The following FCHSD2 variants were observed in gnomAD, a reference collection of about 807,000 sequenced individuals.
The protein encoded by FCHSD2 is FCH and double SH3 domains 2, also known as F-BAR and double SH3 domains protein 2.
In FCHSD2, 38 loss-of-function variants were observed where a neutral mutation model predicts 108.1. The ratio of observed to expected loss-of-function variants is 0.35; its 90% CI spans 0.27 to 0.46. The LOEUF (loss-of-function observed/expected upper bound fraction) is 0.46, where lower values mean the gene tolerates loss of function less well. Ranked by LOEUF, FCHSD2 falls within the 20% of genes least tolerant of loss-of-function variation. The pLI is 1.00. For missense variants in FCHSD2, 751 were observed against 897.8 expected, an observed-to-expected ratio of 0.84 and a Z score of 2.09; for synonymous variants, 279 against 314.7, an observed-to-expected ratio of 0.89 and a Z score of 1.20.
chr11:72,939,614 T>C (rs944585056), intron 8 of FCHSD2, among the ~76,000 whole-genome samples: 1 of 131,924 alleles, frequency 7.6e-6, no homozygotes, highest in Non-Finnish European at 1.6e-5. Context: ...TTTTCCTTTT[T>C]TTTTTTTTTT....
At chr11:72,985,980 C>T (rs1857303167) in intron 6 of FCHSD2, among the ~76,000 whole-genome samples, 1 of 152,008 alleles carries the variant, frequency 6.6e-6, no homozygotes, top group Non-Finnish European at 1.5e-5. Flanking sequence ...GCAGCTGTGC[C>T]TCATGAAGTA....
At chr11:73,041,216 A>G (rs1386197866) in intron 3 of FCHSD2, among the ~76,000 whole-genome samples, 2 of 152,186 alleles carry the variant, frequency 1.3e-5, no homozygotes, top group Non-Finnish European at 2.9e-5. Flanking sequence ...CCTTCGATAT[A>G]CTGATTTCCT....
At chr11:72,994,601 T>G (rs768163167) in intron 5 of FCHSD2, among the ~76,000 whole-genome samples, 22 of 151,950 alleles carry the variant, frequency 1.4e-4, no homozygotes, top group Non-Finnish European at 3.2e-4. Context: ...CCGTCTCTAC[T>G]AAAAATACAA....
Position 72,940,540 on chromosome 11 carries a change from T to C in FCHSD2, c.706-18590A>G, listed in dbSNP as rs1856394515. On this transcript the variant is annotated intron_variant, in intron 8 of 19. Transcript: ENST00000409418. Reference sequence around the variant, plus strand: ...CATCCAGGAGCTATGGAGAAAGAAGTAGTCTCATGTCATGCGCTTTCTTCT... The same window carrying C: ...CATCCAGGAGCTATGGAGAAAGAAGCAGTCTCATGTCATGCGCTTTCTTCT... 15 of 975,728 alleles carry C rather than the reference T, an allele frequency of 1.5e-5. No homozygotes were observed. In the East Asian group the frequency reaches 3.3e-4, roughly 22 times the overall value. The allele number at this position is 975,728 out of a possible 1,614,324, so 60.4% of individuals were successfully genotyped here. A position where few individuals can be genotyped will look rare whatever the true frequency, so the allele number is the denominator to read the frequency against.
intron 8 of FCHSD2, among the ~76,000 whole-genome samples, chr11:72,981,671 A>C (rs2135396370): frequency 6.6e-6 from 1 of 152,270 alleles, no homozygotes; most frequent in Non-Finnish European, 1.5e-5. Context: ...GCACTATGTA[A>C]TACCTAATAC....
At chr11:72,934,725 ATCTGGCAGTATGAACTCCTTG>A (rs1856266535) in intron 8 of FCHSD2, among the ~76,000 whole-genome samples, 1 of 152,204 alleles carries the variant, frequency 6.6e-6, no homozygotes, top group African/African-American at 2.4e-5. Flanking sequence ...ATGTGAGTTA[ATCTGGCAGTATGAACTCCTTG>A]GTGGTCTCCA....
At chr11:73,000,689 C>T (rs138050533) in intron 5 of FCHSD2, among the ~76,000 whole-genome samples, 3 of 152,276 alleles carry the variant, frequency 2.0e-5, no homozygotes, top group East Asian at 3.8e-4. Context: ...ACACATCAAA[C>T]TATACCGATA....
In FCHSD2 at chr11:73,138,604, ATTTTTTTTT is replaced by A. The variant is rs535753859; in HGVS notation, c.119+1418_119+1426del. Among the ~76,000 whole-genome samples the A allele has an allele frequency of 4.2e-5, 5 of 119,788 alleles. No homozygotes were observed. In the Admixed American group the frequency reaches 4.5e-4, roughly 11 times the overall value. The allele number at this position is 119,788 out of a possible 152,430, so 78.6% of individuals were successfully genotyped here. A position where few individuals can be genotyped will look rare whatever the true frequency, so the allele number is the denominator to read the frequency against. On this transcript the variant is annotated intron_variant, in intron 2 of 19. Transcript: ENST00000409418. The stretch of plus-strand genomic sequence containing the variant: ...AGAGTTTCAGATATCTTGCACAGGA[ATTTTTTTTT>A]TTTTTTTTTTTTTGAGACAGGGTCT...
chr11:73,123,522 A>G (rs2135561466), intron 2 of FCHSD2, among the ~76,000 whole-genome samples: 1 of 152,316 alleles, frequency 6.6e-6, no homozygotes, highest in South Asian at 2.1e-4. Context: ...CTGTAATGTA[A>G]AGTGCACAGG....
chr11:73,049,941 T>C (rs1285098630), intron 3 of FCHSD2, among the ~76,000 whole-genome samples: 3 of 152,196 alleles, frequency 2.0e-5, no homozygotes, highest in Non-Finnish European at 4.4e-5. Flanking sequence ...TAAAAAAGTT[T>C]TGCTCAAGAT....
chr11:72,875,611 A>G (rs927796482), intron 12 of FCHSD2, among the ~76,000 whole-genome samples: 4 of 152,222 alleles, frequency 2.6e-5, no homozygotes, highest in Admixed American at 2.6e-4. Flanking sequence ...TGCTGGAATT[A>G]GAGGTGTCAG....
intron 3 of FCHSD2, among the ~76,000 whole-genome samples, chr11:73,038,622 C>T (rs1858556916): frequency 6.6e-6 from 1 of 152,126 alleles, no homozygotes; most frequent in Non-Finnish European, 1.5e-5. Context: ...CACATGTTCT[C>T]ATATCTAAGT....
At chr11:72,872,173 T>A (rs1854873512) in intron 12 of FCHSD2, among the ~76,000 whole-genome samples, 1 of 152,030 alleles carries the variant, frequency 6.6e-6, no homozygotes, top group Admixed American at 6.5e-5. Context: ...AATTGGTAAA[T>A]ACTCTTGCAA....
rs779721768 is a variant in FCHSD2, at chr11:72,921,858, T to C, written c.798A>G (p.Thr266=). Residue 266 remains threonine, a synonymous_variant, in exon 9 of 20, where the codon ACA becomes ACG. Coordinates refer to ENST00000409418, the MANE Select transcript of FCHSD2 (RefSeq NM_014824.3). ...TGGAGTTTTCTAATAAAAACTGGAA[T>C]GTGTTCTGCACAGCTTGGCATGTTT... ...ELETCQAVQN[T]FQFLLENSSK... is the part of the protein sequence containing the mutation. 5.6e-6 allele frequency: 9 copies of C among 1,611,180 alleles called. No homozygotes were observed. The East Asian group carries it at 1.1e-4, about 20-fold the overall frequency.
chr11:73,054,794 G>A (rs1222769554), intron 3 of FCHSD2, among the ~76,000 whole-genome samples: 1 of 151,996 alleles, frequency 6.6e-6, no homozygotes, highest in African/African-American at 2.4e-5. Context: ...CCCCCACCTC[G>A]GCCTCTAGAG....
rs1184904564 is a variant in FCHSD2 at position 73,133,753 on chromosome 11, A to C, written c.119+6278T>G. 2.2e-5 allele frequency among the ~76,000 whole-genome samples: 3 copies of C among 138,294 alleles called. 1 individual carries two copies. Among genetic ancestry groups the C allele is most frequent in the African/African-American group, 8.2e-5 (3 of 36,722 alleles). The allele number at this position is 138,294 out of a possible 152,430, so 90.7% of individuals were successfully genotyped here. On this transcript the variant is annotated intron_variant, in intron 2 of 19. Coordinates refer to ENST00000409418, the MANE Select transcript of FCHSD2 (RefSeq NM_014824.3). Reference sequence around the variant, plus strand: ...GGTTACAACGAGCCGGCATCGCGCCACTGCACTCCAGTATGGGTGACACAG... The same window carrying C: ...GGTTACAACGAGCCGGCATCGCGCCCCTGCACTCCAGTATGGGTGACACAG...
chr11:73,058,845 C>T (rs902457162), intron 3 of FCHSD2, among the ~76,000 whole-genome samples: 2 of 151,986 alleles, frequency 1.3e-5, no homozygotes, highest in South Asian at 2.1e-4. Context: ...TGGGATTACA[C>T]GTGTGAGCCA....
At chr11:73,059,979 C>T (rs1050277300) in intron 3 of FCHSD2, among the ~76,000 whole-genome samples, 1 of 152,200 alleles carries the variant, frequency 6.6e-6, no homozygotes, top group Non-Finnish European at 1.5e-5. Context: ...CTCAGGTATT[C>T]CTGTTACAAA....
At chr11:72,934,400 G>A (rs962044759) in intron 8 of FCHSD2, among the ~76,000 whole-genome samples, 2 of 147,932 alleles carry the variant, frequency 1.4e-5, no homozygotes, top group African/African-American at 5.0e-5. Flanking sequence ...GCACTATCTC[G>A]GCTCACTGCA....
Sources: allele counts gnomAD v4.1 joint callset (sites outside exome capture counted in the v4.1 genomes callset), GRCh38; gene constraint gnomAD v4.1.1; transcripts MANE v1.5; gene names NCBI Gene and HGNC (gene_info 2026-07-23, HGNC 2026-07-21).